Variants in ZDHHC21 observed in about 807,000 individuals in gnomAD.
ZDHHC21 encodes the protein zDHHC palmitoyltransferase 21, also known as palmitoyltransferase ZDHHC21.
Under a neutral mutation model 34.6 loss-of-function variants are expected in ZDHHC21, and 15 were observed. That is an observed-to-expected ratio of 0.43 (90% CI 0.29 to 0.67). ZDHHC21 has a LOEUF of 0.67. Ranked by LOEUF, ZDHHC21 falls within the 30% of genes least tolerant of loss-of-function variation. ZDHHC21 has a pLI of 0.14. For missense variants in ZDHHC21, 344 were observed against 327.7 expected (o/e 1.05, Z -0.38); for synonymous variants, 142 against 101.8 (o/e 1.40, Z -2.38).
At chr9:14,593,304 G>C in the ZDHHC21 span, among the ~76,000 whole-genome samples, 1 of 152,142 alleles carries the variant, frequency 6.6e-6, no homozygotes, top group Non-Finnish European at 1.5e-5. Context: ...AGGAATGAAA[G>C]AGAGGACATC....
intron 8 of ZDHHC21, among the ~76,000 whole-genome samples, chr9:14,630,868 G>C (rs949822134): frequency 6.6e-6 from 1 of 152,164 alleles, no homozygotes; most frequent in Non-Finnish European, 1.5e-5. Flanking sequence ...AAAATATTCA[G>C]CAAGCCATGC....
At chr9:14,653,579 G>A (rs912144013) in intron 7 of ZDHHC21, among the ~76,000 whole-genome samples, 1 of 151,714 alleles carries the variant, frequency 6.6e-6, no homozygotes, top group Non-Finnish European at 1.5e-5. Context: ...GCCCAGCAAT[G>A]ACCTCCTTCA....
downstream of ZDHHC21, among the ~76,000 whole-genome samples, chr9:14,607,771 T>TGAGGAGGAAA (rs1222581640): frequency 1.3e-5 from 2 of 152,254 alleles, no homozygotes; most frequent in East Asian, 3.9e-4. Context: ...CGTTCACCTC[T>TGAGGAGGAAA]GAGGAGGAAA....
Position 14,618,319 on chromosome 9 carries a change from G to A in ZDHHC21, c.*647C>T, listed in dbSNP as rs932806949. 2 of 152,480 alleles carry A rather than the reference G, an allele frequency of 1.3e-5. No individual in the cohort carries two copies. Among genetic ancestry groups the A allele is most frequent in the South Asian group, 2.1e-4 (1 of 4,824 alleles). 9.4% of individuals were successfully genotyped at this position (152,480 alleles called of 1,614,324 possible). A position where few individuals can be genotyped will look rare whatever the true frequency, so the allele number is the denominator to read the frequency against. ...TAACATTTCCTTTATAGTAAGGTAG[G>A]TAGTTGGTGTTTTACTTCAGTGGTA... On this transcript the variant is annotated 3_prime_UTR_variant, in exon 10 of 10. Coordinates refer to ENST00000380916, the MANE Select transcript of ZDHHC21 (RefSeq NM_178566.6).
At chr9:14,679,282 C>A in intron 3 of ZDHHC21, among the ~76,000 whole-genome samples, 1 of 152,200 alleles carries the variant, frequency 6.6e-6, no homozygotes, top group East Asian at 1.9e-4. Flanking sequence ...GACAGAAAGA[C>A]AGATGAGTAT....
At chr9:14,683,252 GT>G (rs1342824884) in intron 2 of ZDHHC21, among the ~76,000 whole-genome samples, 1 of 152,036 alleles carries the variant, frequency 6.6e-6, no homozygotes, top group Non-Finnish European at 1.5e-5. Flanking sequence ...CCAGGAGCTG[GT>G]TTTTTATTTT....
chr9:14,615,516 A>G lies in ZDHHC21; in HGVS notation c.*3450T>C, dbSNP rs1451130549. 6.6e-6 allele frequency: 1 copy of G among 151,802 alleles called. No homozygotes were observed. The highest frequency in any genetic ancestry group is 1.5e-5 in the Non-Finnish European group (1 of 67,766). 9.4% of individuals were successfully genotyped at this position (151,802 alleles called of 1,614,324 possible). A position where few individuals can be genotyped will look rare whatever the true frequency, so the allele number is the denominator to read the frequency against. ...GCTATTTCTAATGTTAAGCACAAAT[A>G]TTTGTAATACAACTCTTAAGCAAAA... On this transcript the variant is annotated 3_prime_UTR_variant, in exon 10 of 10. Transcript: ENST00000380916.
chr9:14,674,947 A>G lies in ZDHHC21; in HGVS notation c.-45-562T>C, dbSNP rs1355896505. On this transcript the variant is annotated intron_variant, in intron 3 of 9. Transcript: ENST00000380916. ...TATCTACATATGTAAACATTCACTG[A>G]GCTGTATACTTCAGATTTGTGCACT... 2.0e-5 allele frequency among the ~76,000 whole-genome samples: 3 copies of G among 152,018 alleles called. No homozygotes were observed. In the South Asian group the frequency reaches 6.2e-4, roughly 31 times the overall value.
intron 7 of ZDHHC21, among the ~76,000 whole-genome samples, chr9:14,653,439 T>C (rs573719163): frequency 6.6e-6 from 1 of 152,172 alleles, no homozygotes; most frequent in East Asian, 1.9e-4. Context: ...ACAAAAGAAC[T>C]GCTGAAGTAA....
chr9:14,672,319 G>T (rs1684375036), intron 5 of ZDHHC21, among the ~76,000 whole-genome samples: 1 of 151,722 alleles, frequency 6.6e-6, no homozygotes, highest in Admixed American at 6.6e-5. Flanking sequence ...TTAAAATTTT[G>T]TATTTTTTTT....
chr9:14,596,830 G>A, the ZDHHC21 span, among the ~76,000 whole-genome samples: 4 of 152,168 alleles, frequency 2.6e-5, no homozygotes, highest in African/African-American at 9.7e-5. Flanking sequence ...GGCCTAAACA[G>A]TGAGTAGAAG....
At chr9:14,604,908 T>C in the ZDHHC21 span, among the ~76,000 whole-genome samples, 2 of 152,180 alleles carry the variant, frequency 1.3e-5, no homozygotes, top group Admixed American at 6.5e-5. Flanking sequence ...ACCATTCTAC[T>C]GTTTCTATAA....
At chr9:14,596,481 T>C in the ZDHHC21 span, among the ~76,000 whole-genome samples, 1 of 152,214 alleles carries the variant, frequency 6.6e-6, no homozygotes, top group Non-Finnish European at 1.5e-5. Context: ...CTTGTGTGTG[T>C]TGTTGGCCAC....
intron 2 of ZDHHC21, among the ~76,000 whole-genome samples, chr9:14,684,830 C>G (rs528050641): frequency 5.3e-4 from 81 of 152,156 alleles, no homozygotes; most frequent in Middle Eastern, 3.4e-3. Flanking sequence ...AACCAAAACA[C>G]CATGGTACTG....
rs575373853 is a variant in ZDHHC21 at position 14,611,810 on chromosome 9, A to T, written c.*7156T>A. ...AGCTTTGTCCTCCCGTGTTAGACTC[A>T]CAATTCACTTGTCGGAATATCTCTG... On this transcript the variant is annotated 3_prime_UTR_variant, in exon 10 of 10. Coordinates refer to ENST00000380916, the MANE Select transcript of ZDHHC21 (RefSeq NM_178566.6). 5 of 152,166 alleles carry T rather than the reference A, an allele frequency of 3.3e-5. No homozygotes were observed. The South Asian group carries it at 1.0e-3, about 32-fold the overall frequency. 9.4% of individuals were successfully genotyped at this position (152,166 alleles called of 1,614,324 possible). A position where few individuals can be genotyped will look rare whatever the true frequency, so the allele number is the denominator to read the frequency against.
intron 8 of ZDHHC21, among the ~76,000 whole-genome samples, chr9:14,638,012 A>G (rs1406511924): frequency 6.6e-6 from 1 of 152,084 alleles, no homozygotes; most frequent in African/African-American, 2.4e-5. Context: ...TTTTCATACA[A>G]TTAGAGAAAA....
At position 14,688,144 on chromosome 9, in the gene ZDHHC21, A is replaced by G. The variant is rs565896983; in HGVS notation, c.-176+2193T>C. On this transcript the variant is annotated intron_variant, in intron 2 of 9. Transcript: ENST00000380916. ...AAAATTAATCTTCTACAGATGTTAA[A>G]AGAGAAATTATGACATAGTCTCTTA... Among the ~76,000 whole-genome samples, 48 of 151,142 alleles carry G rather than the reference A, an allele frequency of 3.2e-4. 2 individuals carry two copies. The South Asian group carries it at 1.0e-2, about 31-fold the overall frequency.
chr9:14,598,521 T>C, the ZDHHC21 span, among the ~76,000 whole-genome samples: 2 of 152,096 alleles, frequency 1.3e-5, no homozygotes, highest in African/African-American at 4.8e-5. Context: ...CAGATATCAA[T>C]GTAAGGACAC....
At chr9:14,648,991 C>A (rs1449191266) in intron 7 of ZDHHC21, among the ~76,000 whole-genome samples, 2 of 151,804 alleles carry the variant, frequency 1.3e-5, no homozygotes, top group East Asian at 3.9e-4. Flanking sequence ...TCAACCTCAG[C>A]ACTACTGACA....
Sources: allele counts gnomAD v4.1 joint callset (sites outside exome capture counted in the v4.1 genomes callset), GRCh38; gene constraint gnomAD v4.1.1; transcripts MANE v1.5; gene names NCBI Gene and HGNC (gene_info 2026-07-23, HGNC 2026-07-21).